The following ENPP2 variants were observed in gnomAD, a reference collection of about 807,000 sequenced individuals.
The protein encoded by ENPP2 is autotaxin.
A neutral mutation model predicts 120.2 loss-of-function variants in ENPP2; 51 were observed. The ratio of observed to expected loss-of-function variants is 0.42; its 90% confidence interval spans 0.34 to 0.54. The LOEUF is 0.54. ENPP2 is among the 20% of genes least tolerant of loss of function. The pLI is 0.04. For synonymous variants in ENPP2, 365 were observed against 366.4 expected (o/e 1.00, Z 0.04); for missense variants, 920 against 1,066.5 (o/e 0.86, Z 1.91).
At chr8:119,589,426 T>C (rs1238880811) in intron 13 of ENPP2, among the ~76,000 whole-genome samples, 1 of 152,174 alleles carries the variant, frequency 6.6e-6, no homozygotes, top group Non-Finnish European at 1.5e-5. Context: ...GGTTTTTTTT[T>C]CTCCTCCAAA....
intron 19 of ENPP2, among the ~76,000 whole-genome samples, chr8:119,576,063 A>G (rs1587364045): frequency 6.6e-6 from 1 of 152,358 alleles, no homozygotes; most frequent in African/African-American, 2.4e-5. Flanking sequence ...GACAAGAGCT[A>G]AAGAAGATGT....
intron 2 of ENPP2, among the ~76,000 whole-genome samples, chr8:119,637,509 G>C (rs1187621658): frequency 1.3e-5 from 2 of 152,122 alleles, no homozygotes; most frequent in African/African-American, 4.8e-5. Context: ...GCTAAACAGA[G>C]GCAAGTGATG....
At position 119,626,494 on chromosome 8, in the gene ENPP2, A is replaced by C. The variant is rs566201801; in HGVS notation, c.292+71T>G. On this transcript the variant is annotated intron_variant, in intron 3 of 24. Transcript: ENST00000075322. Reference sequence around the variant, plus strand: ...TAGACCAAAGCAGGGTGGCCACTCCAGGATGCATACAATAGCAGGCAGTCT... The same window carrying C: ...TAGACCAAAGCAGGGTGGCCACTCCCGGATGCATACAATAGCAGGCAGTCT... 7 of 1,312,440 alleles carry C rather than the reference A, an allele frequency of 5.3e-6. No individual in the cohort carries two copies. In the African/African-American group the frequency reaches 1.0e-4, roughly 19 times the overall value. 81.3% of individuals were successfully genotyped at this position (1,312,440 alleles called of 1,614,324 possible). A position where few individuals can be genotyped will look rare whatever the true frequency, so the allele number is the denominator to read the frequency against.
chr8:119,647,461 T>C (rs1332032307), intron 1 of ENPP2, among the ~76,000 whole-genome samples: 3 of 152,234 alleles, frequency 2.0e-5, no homozygotes, highest in African/African-American at 7.2e-5. Context: ...TGACTTGTAG[T>C]ACTTCCTCTG....
In ENPP2 at chr8:119,647,090, C is replaced by T. The variant is rs188279902; in HGVS notation, c.22-8563G>A. On this transcript the variant is annotated intron_variant, in intron 1 of 25. Coordinates refer to the ENPP2 transcript ENST00000427067. ...TTGGCTCACTGCAACCTCCGCCTCC[C>T]GGGTTCAAGCAATTCTCTGCCTCAG... Among the ~76,000 whole-genome samples the T allele has an allele frequency of 2.4e-3, 366 of 151,924 alleles. 4 individuals carry two copies. The highest frequency in any genetic ancestry group is 8.6e-3 in the African/African-American group (355 of 41,378).
chr8:119,640,189 C>T (rs963131250), upstream of ENPP2, among the ~76,000 whole-genome samples: 7 of 152,028 alleles, frequency 4.6e-5, no homozygotes, highest in Admixed American at 2.6e-4. Flanking sequence ...CTGTTAATTG[C>T]CTTTCTAAAA....
chr8:119,587,770 G>T (rs1053430060), intron 13 of ENPP2, among the ~76,000 whole-genome samples: 2 of 152,314 alleles, frequency 1.3e-5, no homozygotes, highest in African/African-American at 4.8e-5. Flanking sequence ...CCTTTTGGGC[G>T]GAATGTGGGG....
At chr8:119,636,686 T>C (rs1817018062) in intron 2 of ENPP2, among the ~76,000 whole-genome samples, 1 of 152,174 alleles carries the variant, frequency 6.6e-6, no homozygotes, top group Non-Finnish European at 1.5e-5. Context: ...ATACACAAAA[T>C]ATTTTCAAAG....
At chr8:119,598,290 A>G (rs979027879) in intron 11 of ENPP2, among the ~76,000 whole-genome samples, 3 of 152,210 alleles carry the variant, frequency 2.0e-5, no homozygotes, top group African/African-American at 7.2e-5. Context: ...ACCATTACTG[A>G]AGATATACTC....
intron 1 of ENPP2, among the ~76,000 whole-genome samples, chr8:119,659,077 G>A (rs1817845771): frequency 6.6e-6 from 1 of 152,022 alleles, no homozygotes; most frequent in Non-Finnish European, 1.5e-5. Context: ...CACTTTGGAA[G>A]GCCAAGGCAG....
intron 1 of ENPP2, among the ~76,000 whole-genome samples, chr8:119,655,225 C>T (rs930559526): frequency 1.3e-5 from 2 of 152,194 alleles, no homozygotes; most frequent in Non-Finnish European, 2.9e-5. Flanking sequence ...ATACGATAAG[C>T]TGACCAAGTT....
Position 119,570,813 on chromosome 8 carries a change from T to A in ENPP2, c.1809A>T (p.Ala603=). Residue 603 remains alanine (A), a synonymous_variant, in exon 20 of 25, where the codon GCA becomes GCT. Transcript: ENST00000075322. ...TATCATATCTAGTCCGATAAAGCAC[T>A]GCAGGTCGCCCATAGAGGAGGTGTC... is the stretch of plus-strand genomic sequence containing the variant. ...EERHLLYGRP[A]VLYRTRYDIL... 6.3e-7 allele frequency: 1 copy of A among 1,576,524 alleles called. No homozygotes were observed. Among genetic ancestry groups the A allele is most frequent in the Non-Finnish European group, 8.6e-7 (1 of 1,165,340 alleles).
chr8:119,595,964 T>C, intron 11 of ENPP2: 2 of 1,614,012 alleles, frequency 1.2e-6, no homozygotes, highest in Non-Finnish European at 1.7e-6. Context: ...TCCTCTTAGG[T>C]CTCTTAGCCG....
rs78189563 is a variant in ENPP2, at chr8:119,586,952, C to A, written c.1239+92G>T. The A allele has an allele frequency of 9.7e-4, 1,026 of 1,055,724 alleles. 3 individuals carry two copies. In the African/African-American group the frequency reaches 0.014, roughly 15 times the overall value. The allele number at this position is 1,055,724 out of a possible 1,614,324, so 65.4% of individuals were successfully genotyped here. On this transcript the variant is annotated intron_variant, in intron 14 of 24. Coordinates refer to ENST00000075322, the MANE Select transcript of ENPP2 (RefSeq NM_001040092.3). Reference sequence around the variant, plus strand: ...CAGTGAGGAAAGTGTTCCTCCCACCCCTCCCCGCCGGGGGAGGCACACACA... The same window carrying A: ...CAGTGAGGAAAGTGTTCCTCCCACCACTCCCCGCCGGGGGAGGCACACACA...
rs530259798 is a variant in ENPP2 at position 119,579,200 on chromosome 8, C to A, written c.1780+916G>T. 1.7e-4 allele frequency among the ~76,000 whole-genome samples: 26 copies of A among 152,288 alleles called. No homozygotes were observed. The South Asian group carries it at 4.1e-3, about 24-fold the overall frequency. ...AAACTTCACAATCAGATAAAAAGAG[C>A]CTGCATGGTAGATTGTGTTATTGCT... On this transcript the variant is annotated intron_variant, in intron 19 of 24. Coordinates refer to ENST00000075322, the MANE Select transcript of ENPP2 (RefSeq NM_001040092.3).
intron 1 of ENPP2, among the ~76,000 whole-genome samples, chr8:119,650,591 C>T (rs1817600156): frequency 6.6e-6 from 1 of 152,172 alleles, no homozygotes; most frequent in Admixed American, 6.5e-5. Context: ...ATTTTCAGTT[C>T]TCAGGTTCAT....
At chr8:119,668,395 C>CT (rs929854786) in intron 1 of ENPP2, among the ~76,000 whole-genome samples, 5 of 147,650 alleles carry the variant, frequency 3.4e-5, no homozygotes, top group East Asian at 2.0e-4. Context: ...ATGTTCTATA[C>CT]TTTTTTTTTC....
chr8:119,622,707 A>G (rs1004823055), intron 3 of ENPP2, among the ~76,000 whole-genome samples: 2 of 152,170 alleles, frequency 1.3e-5, no homozygotes, highest in African/African-American at 4.8e-5. Flanking sequence ...GGAAATGACC[A>G]TGGAGATAAA....
chr8:119,625,067 A>G (rs971864769), intron 3 of ENPP2, among the ~76,000 whole-genome samples: 4 of 152,226 alleles, frequency 2.6e-5, no homozygotes, highest in African/African-American at 9.6e-5. Flanking sequence ...TACATTTTGC[A>G]AAGAATTCTA....
Sources: gnomAD v4.1 joint callset for allele counts (sites outside exome capture counted in the v4.1 genomes callset) on GRCh38, gnomAD v4.1.1 for gene constraint, MANE v1.5 for transcripts, NCBI Gene and HGNC (gene_info 2026-07-23, HGNC 2026-07-21) for gene names.